Variants in TENM2 observed in about 807,000 individuals in gnomAD.
TENM2 encodes the protein teneurin-2.
Under a neutral mutation model 245.2 loss-of-function variants are expected in TENM2, and 52 were observed. The observed-to-expected ratio is 0.21, with a 90% CI of 0.17 to 0.27. The LOEUF (loss-of-function observed/expected upper bound fraction) is 0.27. Among genes scored for constraint, TENM2 ranks in the 10% least tolerant of loss-of-function variants. The pLI is 1.00. For synonymous variants in TENM2, 1,363 were observed against 1,438.9 expected (o/e 0.95, Z 1.19); for missense variants, 3,046 against 3,666.8 (o/e 0.83, Z 4.37).
intron 2 of TENM2, among the ~76,000 whole-genome samples, chr5:167,822,384 G>T (rs1021780053): frequency 6.6e-6 from 1 of 152,160 alleles, no homozygotes; most frequent in Admixed American, 6.5e-5. Flanking sequence ...GCAGGGAAAT[G>T]CAATACTTCT....
At chr5:167,686,846 T>G (rs922675735) in intron 2 of TENM2, among the ~76,000 whole-genome samples, 1 of 152,158 alleles carries the variant, frequency 6.6e-6, no homozygotes, top group African/African-American at 2.4e-5. Context: ...TTCTATTAGG[T>G]TGATGCAAAA....
rs58295569 is a variant in TENM2, at chr5:167,981,979, CAAAAAAA to C, written c.948-10955_948-10949del. 1.2e-3 allele frequency among the ~76,000 whole-genome samples: 125 copies of C among 100,762 alleles called. 1 individual carries two copies. Among genetic ancestry groups the C allele is most frequent in the Admixed American group, 2.8e-3 (30 of 10,586 alleles). The allele number at this position is 100,762 out of a possible 152,430, so 66.1% of individuals were successfully genotyped here. On this transcript the variant is annotated intron_variant, in intron 4 of 28. Coordinates refer to ENST00000518659, the Ensembl canonical transcript of TENM2. ...ACAAGAGTGAAGCTCTGTTTCAGAC[CAAAAAAA>C]AAAAAAAAAGAAAAAAGAAAAAAAG...
chr5:167,541,307 T>C (rs1425887547), intron 2 of TENM2, among the ~76,000 whole-genome samples: 1 of 152,188 alleles, frequency 6.6e-6, no homozygotes, highest in Non-Finnish European at 1.5e-5. Context: ...TGTCAGATCT[T>C]TCATTTAAGT....
chr5:168,033,171 T>C (rs555112641), intron 5 of TENM2: 1 of 152,340 alleles, frequency 6.6e-6, no homozygotes, highest in African/African-American at 2.4e-5. Flanking sequence ...TATAAGTCTT[T>C]GTCCACAAGT....
At chr5:168,052,680 C>T (rs190213200) in intron 6 of TENM2, among the ~76,000 whole-genome samples, 6 of 152,136 alleles carry the variant, frequency 3.9e-5, no homozygotes, top group Middle Eastern at 3.4e-3. Context: ...AAGTTGGCCC[C>T]TCCACACTGC....
chr5:167,685,827 C>T lies in TENM2; in HGVS notation c.503-190159C>T, dbSNP rs115394697. ...AAAAATGATTGAAGGGTATAGAGGG[C>T]GTGCAGCACCAAGGCTGGGTGAGAG... On this transcript the variant is annotated intron_variant, in intron 2 of 28. Coordinates refer to ENST00000518659, the Ensembl canonical transcript of TENM2. 1.4e-3 allele frequency among the ~76,000 whole-genome samples: 217 copies of T among 152,222 alleles called. 1 individual carries two copies. Among genetic ancestry groups the T allele is most frequent in the South Asian group, 6.6e-3 (32 of 4,822 alleles).
At chr5:168,201,725 C>G (rs1173960617) in intron 17 of TENM2, among the ~76,000 whole-genome samples, 1 of 152,146 alleles carries the variant, frequency 6.6e-6, no homozygotes, top group African/African-American at 2.4e-5. Flanking sequence ...CCACCTTTTG[C>G]AATTGGTTGA....
At chr5:167,055,228 A>G in the TENM2 span, among the ~76,000 whole-genome samples, 168 of 152,056 alleles carry the variant, frequency 1.1e-3, no homozygotes, top group Middle Eastern at 6.8e-3. Flanking sequence ...CTTTATCTAG[A>G]TTTATTTTTA....
rs549253068 is a variant in TENM2 at position 168,026,765 on chromosome 5, G to T, written c.1187-20662G>T. Among the ~76,000 whole-genome samples the T allele has an allele frequency of 2.0e-5, 3 of 152,188 alleles. No homozygotes were observed. In the South Asian group the frequency reaches 6.2e-4, roughly 32 times the overall value. On this transcript the variant is annotated intron_variant, in intron 5 of 28. Transcript: ENST00000518659. ...GACTAAACAAGATAATTCTTGAATA[G>T]CCCTTAGCACAGTGCTTGGCCAAAG...
intron 2 of TENM2, among the ~76,000 whole-genome samples, chr5:167,425,763 G>A (rs899057246): frequency 6.6e-6 from 1 of 150,984 alleles, no homozygotes; most frequent in African/African-American, 2.5e-5. Flanking sequence ...TGCTGCTGCT[G>A]ATGATGATGA....
At chr5:168,093,473 G>A (rs888890368) in intron 8 of TENM2, among the ~76,000 whole-genome samples, 5 of 152,208 alleles carry the variant, frequency 3.3e-5, no homozygotes, top group African/African-American at 1.2e-4. Flanking sequence ...CCTATCATCA[G>A]AACATTCTCC....
At chr5:167,042,098 G>A in the TENM2 span, among the ~76,000 whole-genome samples, 1 of 152,008 alleles carries the variant, frequency 6.6e-6, no homozygotes, top group African/African-American at 2.4e-5. Context: ...TAATTTCCTT[G>A]ATCAAAGGGA....
chr5:167,860,269 G>A (rs1373647993), intron 2 of TENM2, among the ~76,000 whole-genome samples: 93 of 113,334 alleles, frequency 8.2e-4, no homozygotes, highest in Non-Finnish European at 1.5e-3. Context: ...CCGGCCAGCC[G>A]CCCCGTCCGG....
Position 168,218,624 on chromosome 5 carries a change from A to G in TENM2, c.4733A>G (p.Asn1578Ser), listed in dbSNP as rs1174319059. The stretch of plus-strand genomic sequence containing the variant: ...GTCAGCAAGAACAAGCCTGTTCTTA[A>G]TGCCTTCAACCAGTATGAGGCTGCA... Residue 1578 changes from asparagine (N) to serine (S), a missense_variant, in exon 23 of 29, where the codon AAT becomes AGT. Asn to Ser is a conservative substitution (Grantham distance 46). Transcript: ENST00000518659. This position sits in a 1 kb window ranked among gnomAD's most constrained non-coding sequence, Gnocchi z 5.2. 1 of 1,614,042 alleles carries G rather than the reference A, an allele frequency of 6.2e-7. No homozygotes were observed. The highest frequency in any genetic ancestry group is 8.5e-7 in the Non-Finnish European group (1 of 1,179,910).
the TENM2 span, among the ~76,000 whole-genome samples, chr5:167,186,163 C>A: frequency 6.6e-6 from 1 of 151,988 alleles, no homozygotes; most frequent in Non-Finnish European, 1.5e-5. Context: ...TTTTTTTCCT[C>A]CCTGACTTTT....
the TENM2 span, among the ~76,000 whole-genome samples, chr5:167,195,837 C>G: frequency 2.0e-5 from 3 of 150,402 alleles, no homozygotes; most frequent in African/African-American, 7.4e-5. Flanking sequence ...TTTTTCTTAG[C>G]TTTCCACAGT....
chr5:167,163,530 T>G, the TENM2 span, among the ~76,000 whole-genome samples: 4,916 of 152,330 alleles, frequency 0.032, 285 homozygotes, highest in African/African-American at 0.11. Flanking sequence ...GTTTATGATT[T>G]ATCTGGACTT....
intron 2 of TENM2, among the ~76,000 whole-genome samples, chr5:167,666,530 C>G (rs1755587295): frequency 6.6e-6 from 1 of 152,022 alleles, no homozygotes; most frequent in Admixed American, 6.6e-5. Context: ...GTTAAAAAAT[C>G]TCAAAATTAC....
At chr5:167,801,271 A>G (rs1765749871) in intron 2 of TENM2, among the ~76,000 whole-genome samples, 1 of 151,232 alleles carries the variant, frequency 6.6e-6, no homozygotes, top group Non-Finnish European at 1.5e-5. Context: ...TTTTTATTAC[A>G]TTTTGAAAAT....
Sources: allele counts gnomAD v4.1 joint callset (sites outside exome capture counted in the v4.1 genomes callset), GRCh38; gene constraint gnomAD v4.1.1; non-coding constraint Gnocchi (gnomAD v3.1); transcripts MANE v1.5; gene names NCBI Gene and HGNC (gene_info 2026-07-23, HGNC 2026-07-21).